The following KCNH7 variants were observed in gnomAD, a reference collection of about 807,000 sequenced individuals.
KCNH7 encodes voltage-gated inwardly rectifying potassium channel KCNH7.
Under a neutral mutation model 120.8 loss-of-function variants are expected in KCNH7, and 49 were observed. That is an observed-to-expected ratio of 0.41 (90% CI 0.32 to 0.51). The LOEUF (loss-of-function observed/expected upper bound fraction) is 0.51. Ranked by LOEUF, KCNH7 falls within the 20% of genes least tolerant of loss-of-function variation. The pLI, the probability that KCNH7 is intolerant of heterozygous loss-of-function variation, is 0.38. For missense variants in KCNH7, 1,097 were observed against 1,446.6 expected (o/e 0.76, Z 3.92); for synonymous variants, 547 against 516.1 (o/e 1.06, Z -0.81).
intron 2 of KCNH7, among the ~76,000 whole-genome samples, chr2:162,818,809 T>C (rs1488537241): frequency 2.0e-5 from 3 of 152,326 alleles, no homozygotes; most frequent in South Asian, 2.1e-4. Flanking sequence ...AAATTTCATT[T>C]TTCAAGTTTT....
At chr2:162,401,655 C>T (rs1687067144) in intron 9 of KCNH7, among the ~76,000 whole-genome samples, 1 of 151,810 alleles carries the variant, frequency 6.6e-6, no homozygotes, top group Non-Finnish European at 1.5e-5. Context: ...CTGTGTAATG[C>T]AAGTGGTCAG....
At chr2:162,570,050 T>G (rs187342177) in intron 2 of KCNH7, among the ~76,000 whole-genome samples, 1 of 140,672 alleles carries the variant, frequency 7.1e-6, no homozygotes, top group Non-Finnish European at 1.5e-5. Flanking sequence ...TTAGGTCTGC[T>G]TGGTGCAGAG....
intron 3 of KCNH7, among the ~76,000 whole-genome samples, chr2:162,533,795 A>G (rs1443056630): frequency 6.6e-6 from 1 of 151,660 alleles, no homozygotes; most frequent in Non-Finnish European, 1.5e-5. Context: ...GTAAGGATAT[A>G]GAAGACAGCA....
At chr2:162,688,174 A>G (rs12986532) in intron 2 of KCNH7, among the ~76,000 whole-genome samples, 3,455 of 152,298 alleles carry the variant, frequency 0.023, 73 homozygotes, top group East Asian at 0.11. Flanking sequence ...GATTTATTAA[A>G]TAATCTGGTT....
intron 6 of KCNH7, among the ~76,000 whole-genome samples, chr2:162,492,782 A>C (rs1003446944): frequency 2.3e-4 from 34 of 150,410 alleles, no homozygotes; most frequent in Admixed American, 1.3e-4. Context: ...ATTTCCTTAA[A>C]GTGTACTCAA....
chr2:162,516,981 G>A (rs1205613976), intron 4 of KCNH7, among the ~76,000 whole-genome samples: 1 of 151,726 alleles, frequency 6.6e-6, no homozygotes, highest in Non-Finnish European at 1.5e-5. Context: ...AGAGTAAAAT[G>A]AGACAATGTG....
At chr2:162,685,603 G>A (rs1685862344) in intron 2 of KCNH7, among the ~76,000 whole-genome samples, 3 of 151,988 alleles carry the variant, frequency 2.0e-5, no homozygotes, top group Non-Finnish European at 4.4e-5. Flanking sequence ...GGTGCTGGGA[G>A]ATTTGGTAGA....
intron 2 of KCNH7, among the ~76,000 whole-genome samples, chr2:162,717,222 T>C (rs1236050706): frequency 6.6e-6 from 1 of 152,154 alleles, no homozygotes; most frequent in African/African-American, 2.4e-5. Flanking sequence ...TAATATGTCA[T>C]CTTTTATGCA....
intron 7 of KCNH7, among the ~76,000 whole-genome samples, chr2:162,444,091 C>T (rs1688506294): frequency 6.6e-6 from 1 of 152,178 alleles, no homozygotes; most frequent in Non-Finnish European, 1.5e-5. Flanking sequence ...CATTCTCTAT[C>T]ACATCCACCT....
chr2:162,535,690 T>C (rs548377682), intron 3 of KCNH7, among the ~76,000 whole-genome samples: 4 of 151,952 alleles, frequency 2.6e-5, no homozygotes, highest in Admixed American at 2.6e-4. Flanking sequence ...GAAAATTTGC[T>C]TCTAAAGTTC....
At chr2:162,604,545 C>T (rs992401256) in intron 2 of KCNH7, among the ~76,000 whole-genome samples, 1 of 151,896 alleles carries the variant, frequency 6.6e-6, no homozygotes, top group African/African-American at 2.4e-5. Flanking sequence ...TTTCCCATTC[C>T]ACATATACTT....
chr2:162,677,858 T>C (rs1685578412), intron 2 of KCNH7, among the ~76,000 whole-genome samples: 2 of 151,506 alleles, frequency 1.3e-5, no homozygotes, highest in African/African-American at 4.8e-5. Context: ...TGTAGTTCTA[T>C]CACTTTTTGG....
chr2:162,817,198 C>A (rs1468544076), intron 2 of KCNH7, among the ~76,000 whole-genome samples: 1 of 152,122 alleles, frequency 6.6e-6, no homozygotes, highest in Non-Finnish European at 1.5e-5. Flanking sequence ...CCCCAAAATT[C>A]TTGTGTGTTC....
In KCNH7 at chr2:162,789,373, T is replaced by G. The variant is rs1193246178; in HGVS notation, c.307+47164A>C. On this transcript the variant is annotated intron_variant, in intron 2 of 15. Transcript: ENST00000332142. Reference sequence around the variant, plus strand: ...TAAGTATATAAAGCAAAAATTGATATAACTGAAGGGAGAAGTAAACAGCAA... The same window carrying G: ...TAAGTATATAAAGCAAAAATTGATAGAACTGAAGGGAGAAGTAAACAGCAA... Among the ~76,000 whole-genome samples, 6 of 152,090 alleles carry G rather than the reference T, an allele frequency of 3.9e-5. No individual in the cohort carries two copies. The South Asian group carries it at 1.2e-3, about 32-fold the overall frequency.
chr2:162,618,581 A>T (rs943491592), intron 2 of KCNH7, among the ~76,000 whole-genome samples: 1 of 152,172 alleles, frequency 6.6e-6, no homozygotes, highest in African/African-American at 2.4e-5. Context: ...ACTATTATAC[A>T]TTTGAAACTT....
intron 12 of KCNH7, among the ~76,000 whole-genome samples, chr2:162,390,434 C>T (rs1437715340): frequency 6.6e-6 from 1 of 151,804 alleles, no homozygotes; most frequent in Non-Finnish European, 1.5e-5. Context: ...ATGGATCTGG[C>T]TCACACTGGA....
chr2:162,469,122 G>A (rs934524007), intron 6 of KCNH7, among the ~76,000 whole-genome samples: 2 of 152,104 alleles, frequency 1.3e-5, no homozygotes, highest in African/African-American at 2.4e-5. Flanking sequence ...GATTATAGGT[G>A]TGAGCAACTG....
intron 2 of KCNH7, among the ~76,000 whole-genome samples, chr2:162,688,463 C>T (rs2105324250): frequency 6.6e-6 from 1 of 152,206 alleles, no homozygotes; most frequent in Non-Finnish European, 1.5e-5. Context: ...ATAGCCTCAA[C>T]AAATAGGGAA....
chr2:162,667,379 G>C (rs760633035), intron 2 of KCNH7, among the ~76,000 whole-genome samples: 4 of 152,018 alleles, frequency 2.6e-5, no homozygotes, highest in African/African-American at 4.8e-5. Flanking sequence ...ATCAGATCAT[G>C]CTACTCCCAT....
Sources: allele counts gnomAD v4.1 joint callset (sites outside exome capture counted in the v4.1 genomes callset), GRCh38; gene constraint gnomAD v4.1.1; transcripts MANE v1.5; gene names NCBI Gene and HGNC (gene_info 2026-07-23, HGNC 2026-07-21).